The following TMPRSS11D variants were observed in gnomAD, a reference collection of about 807,000 sequenced individuals.
TMPRSS11D encodes transmembrane serine protease 11D.
In TMPRSS11D, 32 loss-of-function variants were observed where a neutral mutation model predicts 44.4. The observed-to-expected ratio is 0.72, with a 90% CI of 0.54 to 0.97. The LOEUF is 0.97. TMPRSS11D is among the 50% of genes least tolerant of loss of function. TMPRSS11D has a pLI of 0.00. For missense variants in TMPRSS11D, 446 were observed against 502.6 expected (o/e 0.89, Z 1.08); for synonymous variants, 179 against 177.9 (o/e 1.01, Z -0.05).
At chr4:67,826,012 G>A in intron 8 of TMPRSS11D, 138 bp from the exon 9 acceptor site, 1 of 1,099,628 alleles carries the variant, frequency 9.1e-7, no homozygotes, top group Non-Finnish European at 1.2e-6. Flanking sequence ...GATTTACTTT[G>A]GAGTTTCTTC....
intron 1 of TMPRSS11D, among the ~76,000 whole-genome samples, chr4:67,881,473 T>C (rs757248229): frequency 1.3e-5 from 2 of 152,212 alleles, no homozygotes; most frequent in African/African-American, 4.8e-5. Context: ...CAAGATTTTA[T>C]AGGCAACAAC....
chr4:67,823,425 A>G (rs563274868), intron 9 of TMPRSS11D, among the ~76,000 whole-genome samples: 2 of 152,252 alleles, frequency 1.3e-5, no homozygotes, highest in South Asian at 4.1e-4. Context: ...GAAACTAGAT[A>G]GTCTGGGTTT....
chr4:67,828,788 A>G lies in TMPRSS11D; in HGVS notation c.693-1268T>C, dbSNP rs79968033. ...ATCAAAGCAATGGCTATAAAGAGGT[A>G]GAAGTGGTCCAGTCAAAGCAAAACC... On this transcript the variant is annotated intron_variant, in intron 7 of 9. Transcript: ENST00000283916. Among the ~76,000 whole-genome samples the G allele has an allele frequency of 1.0e-3, 154 of 152,286 alleles. 1 individual carries two copies. In the East Asian group the frequency reaches 0.027, roughly 27 times the overall value.
chr4:67,843,272 G>A (rs1718277695), intron 3 of TMPRSS11D, among the ~76,000 whole-genome samples: 2 of 151,994 alleles, frequency 1.3e-5, no homozygotes, highest in Non-Finnish European at 2.9e-5. Context: ...AGCCTCACAG[G>A]AAAGGTAGTG....
rs540254147 is a variant in TMPRSS11D at position 67,867,433 on chromosome 4, G to A, written c.9-7755C>T. 2.0e-5 allele frequency among the ~76,000 whole-genome samples: 3 copies of A among 152,192 alleles called. No homozygotes were observed. In the South Asian group the frequency reaches 6.2e-4, roughly 32 times the overall value. ...ACATTAACCTAGGCAAAGAATTTAT[G>A]ACGAAGTCCTCAAAAGCAAATGCAA... is the stretch of plus-strand genomic sequence containing the variant. On this transcript the variant is annotated intron_variant, in intron 1 of 9. Coordinates refer to ENST00000283916, the MANE Select transcript of TMPRSS11D (RefSeq NM_004262.3).
intron 1 of TMPRSS11D, among the ~76,000 whole-genome samples, chr4:67,876,161 C>G (rs1285543992): frequency 6.6e-6 from 1 of 152,092 alleles, no homozygotes; most frequent in African/African-American, 2.4e-5. Context: ...TAATATATTA[C>G]AATAGTAATA....
intron 5 of TMPRSS11D, 119 bp from the exon 6 acceptor site, chr4:67,835,240 G>T: frequency 4.8e-6 from 4 of 840,558 alleles, no homozygotes; most frequent in East Asian, 2.7e-5. Context: ...GGGTTGGGAG[G>T]TGGTCCTCTA....
chr4:67,848,529 A>G (rs1181407736), intron 3 of TMPRSS11D, among the ~76,000 whole-genome samples: 1 of 152,344 alleles, frequency 6.6e-6, no homozygotes, highest in South Asian at 2.1e-4. Flanking sequence ...TCAAATAATC[A>G]TTCATAATTA....
At chr4:67,850,500 G>C (rs79935120) in intron 3 of TMPRSS11D, among the ~76,000 whole-genome samples, 21 of 152,180 alleles carry the variant, frequency 1.4e-4, no homozygotes, top group Middle Eastern at 3.4e-3. Flanking sequence ...GGGGGTGGGT[G>C]GGGGGAAGGA....
At chr4:67,846,278 C>T (rs1247104946) in intron 3 of TMPRSS11D, among the ~76,000 whole-genome samples, 1 of 151,786 alleles carries the variant, frequency 6.6e-6, no homozygotes, top group Admixed American at 6.6e-5. Context: ...AAATTATATA[C>T]ATGTAATAAT....
intron 1 of TMPRSS11D, among the ~76,000 whole-genome samples, chr4:67,868,568 G>A (rs1366241730): frequency 6.6e-6 from 1 of 152,210 alleles, no homozygotes; most frequent in Non-Finnish European, 1.5e-5. Context: ...GGGAACAGAA[G>A]AGGTAGAAGT....
At chr4:67,865,251 A>G (rs1448744250) in intron 1 of TMPRSS11D, among the ~76,000 whole-genome samples, 1 of 151,786 alleles carries the variant, frequency 6.6e-6, no homozygotes, top group African/African-American at 2.4e-5. Context: ...AAAAAACCCA[A>G]CATGCTCCTG....
intron 9 of TMPRSS11D, 27 bp from the exon 10 acceptor site, chr4:67,822,525 C>G (rs1255432463): frequency 6.2e-7 from 1 of 1,612,944 alleles, no homozygotes; most frequent in Non-Finnish European, 8.5e-7. Flanking sequence ...TGACTGATTA[C>G]TTAAGTGCAA....
intron 1 of TMPRSS11D, among the ~76,000 whole-genome samples, chr4:67,879,219 C>T (rs550759202): frequency 3.7e-4 from 57 of 152,150 alleles, no homozygotes; most frequent in Middle Eastern, 3.4e-3. Context: ...CAGTGGCTCA[C>T]GCCTGTAATC....
intron 7 of TMPRSS11D, among the ~76,000 whole-genome samples, chr4:67,828,653 C>T (rs1384329754): frequency 2.6e-5 from 4 of 152,088 alleles, no homozygotes; most frequent in African/African-American, 9.7e-5. Context: ...GTCAGAGCTT[C>T]CAATAGAAAT....
intron 5 of TMPRSS11D, among the ~76,000 whole-genome samples, chr4:67,837,724 T>C (rs1358643759): frequency 6.6e-6 from 1 of 152,104 alleles, no homozygotes; most frequent in African/African-American, 2.4e-5. Flanking sequence ...TTTAGGATGA[T>C]TACAGTGTAG....
intron 3 of TMPRSS11D, among the ~76,000 whole-genome samples, chr4:67,847,677 C>A (rs749142601): frequency 6.6e-6 from 1 of 151,916 alleles, no homozygotes; most frequent in Non-Finnish European, 1.5e-5. Flanking sequence ...AACAAGGATG[C>A]TAGTGTCAAT....
intron 7 of TMPRSS11D, among the ~76,000 whole-genome samples, chr4:67,832,806 G>A (rs944862806): frequency 4.6e-5 from 7 of 151,400 alleles, no homozygotes; most frequent in East Asian, 3.9e-4. Flanking sequence ...AATTCGTTTC[G>A]CTAACATTTA....
At chr4:67,848,896 G>C (rs1718428414) in intron 3 of TMPRSS11D, among the ~76,000 whole-genome samples, 1 of 152,232 alleles carries the variant, frequency 6.6e-6, no homozygotes, top group African/African-American at 2.4e-5. Flanking sequence ...TTTGAAGCAA[G>C]AGGATAATAT....
Sources: gnomAD v4.1 joint callset for allele counts (sites outside exome capture counted in the v4.1 genomes callset) on GRCh38, gnomAD v4.1.1 for gene constraint, MANE v1.5 for transcripts, NCBI Gene and HGNC (gene_info 2026-07-23, HGNC 2026-07-21) for gene names.